The following LRRC4C variants were observed in gnomAD, a reference collection of about 807,000 sequenced individuals.
The protein encoded by LRRC4C is leucine-rich repeat-containing protein 4C.
In LRRC4C, 5 loss-of-function variants were observed where a neutral mutation model predicts 33.6. The observed-to-expected ratio is 0.15, with a 90% confidence interval of 0.08 to 0.31. The LOEUF is 0.31. Among genes scored for constraint, LRRC4C ranks in the 10% least tolerant of loss-of-function variants. The pLI, the probability that LRRC4C is intolerant of heterozygous loss-of-function variation, is 1.00. For synonymous variants in LRRC4C, 329 were observed against 302.0 expected (o/e 1.09, Z -0.93); for missense variants, 560 against 796.7 (o/e 0.70, Z 3.58).
chr11:41,321,066 T>C (rs1031651690), intron 1 of LRRC4C, among the ~76,000 whole-genome samples: 2 of 152,226 alleles, frequency 1.3e-5, no homozygotes, highest in African/African-American at 4.8e-5. Flanking sequence ...TCTTCTGCTG[T>C]GAGTTGGAGA....
intron 5 of LRRC4C, among the ~76,000 whole-genome samples, chr11:40,154,353 C>T (rs942610964): frequency 8.0e-5 from 12 of 149,398 alleles, no homozygotes; most frequent in Admixed American, 2.0e-4. Context: ...TGCAACAGTA[C>T]CTCACATTTC....
At chr11:40,421,093 A>G (rs1950507963) in intron 3 of LRRC4C, among the ~76,000 whole-genome samples, 1 of 152,164 alleles carries the variant, frequency 6.6e-6, no homozygotes, top group Non-Finnish European at 1.5e-5. Flanking sequence ...TTTTCACTTC[A>G]TACCATCTCC....
chr11:40,702,672 C>G (rs35602651), intron 2 of LRRC4C, among the ~76,000 whole-genome samples: 6,154 of 152,154 alleles, frequency 0.04, 129 homozygotes, highest in Middle Eastern at 0.058. Flanking sequence ...TGGTTTTCTT[C>G]AATTACCATA....
At chr11:41,375,194 T>A (rs1352515265) in intron 1 of LRRC4C, among the ~76,000 whole-genome samples, 1 of 152,116 alleles carries the variant, frequency 6.6e-6, no homozygotes, top group South Asian at 2.1e-4. Context: ...GATCAAAAAC[T>A]GTTAAATCTG....
At chr11:40,694,380 A>T (rs1275023872) in intron 2 of LRRC4C, among the ~76,000 whole-genome samples, 1 of 152,156 alleles carries the variant, frequency 6.6e-6, no homozygotes, top group East Asian at 1.9e-4. Flanking sequence ...TGTGGAAATC[A>T]TCTGGCACAT....
intron 3 of LRRC4C, among the ~76,000 whole-genome samples, chr11:40,500,203 T>C (rs1467688917): frequency 6.6e-6 from 1 of 150,628 alleles, no homozygotes; most frequent in African/African-American, 2.4e-5. Flanking sequence ...GTATGGATTA[T>C]AATGCCAATG....
chr11:41,353,665 A>T (rs991780983), intron 1 of LRRC4C, among the ~76,000 whole-genome samples: 2 of 152,162 alleles, frequency 1.3e-5, no homozygotes, highest in African/African-American at 4.8e-5. Context: ...TCAAAAAGCT[A>T]ATCTACCACA....
chr11:41,281,102 T>A (rs201917083), intron 1 of LRRC4C, among the ~76,000 whole-genome samples: 1,539 of 113,406 alleles, frequency 0.014, 14 homozygotes, highest in East Asian at 0.024. Flanking sequence ...TCTCTCTCTC[T>A]CTCACACACA....
intron 3 of LRRC4C, among the ~76,000 whole-genome samples, chr11:40,425,810 C>G (rs1159661775): frequency 6.6e-6 from 1 of 152,196 alleles, no homozygotes; most frequent in Non-Finnish European, 1.5e-5. Context: ...ATCTAATTCA[C>G]TGATATTTAG....
chr11:41,057,132 C>A (rs1019879795), intron 1 of LRRC4C, among the ~76,000 whole-genome samples: 10 of 152,190 alleles, frequency 6.6e-5, no homozygotes, highest in South Asian at 2.1e-4. Context: ...CGCCGCCCCC[C>A]ATTCCCCGAC....
chr11:41,269,499 C>T (rs1205490316), intron 1 of LRRC4C, among the ~76,000 whole-genome samples: 1 of 151,960 alleles, frequency 6.6e-6, no homozygotes, highest in African/African-American at 2.4e-5. Context: ...AAGAGCCAAT[C>T]TAATTAGTGT....
At chr11:40,617,341 T>C (rs1961966526) in intron 3 of LRRC4C, among the ~76,000 whole-genome samples, 1 of 151,668 alleles carries the variant, frequency 6.6e-6, no homozygotes, top group Admixed American at 6.6e-5. Context: ...ATCCCTAAAG[T>C]CCTCATTGTT....
At chr11:41,047,521 A>C (rs1857857776) in intron 1 of LRRC4C, among the ~76,000 whole-genome samples, 1 of 152,172 alleles carries the variant, frequency 6.6e-6, no homozygotes, top group Admixed American at 6.5e-5. Flanking sequence ...AAAACTAACA[A>C]ACTTTACATA....
chr11:41,102,455 A>AT (rs1237292113), intron 1 of LRRC4C, among the ~76,000 whole-genome samples: 1 of 152,074 alleles, frequency 6.6e-6, no homozygotes, highest in African/African-American at 2.4e-5. Context: ...CAAATTATTG[A>AT]TGTCATCCAT....
At chr11:40,884,384 G>A (rs1399564493) in intron 2 of LRRC4C, among the ~76,000 whole-genome samples, 1 of 152,074 alleles carries the variant, frequency 6.6e-6, no homozygotes, top group Non-Finnish European at 1.5e-5. Flanking sequence ...ATGTGTGCAT[G>A]TTTATTTGTA....
intron 4 of LRRC4C, among the ~76,000 whole-genome samples, chr11:40,299,861 G>A (rs1944685598): frequency 6.6e-6 from 1 of 152,184 alleles, no homozygotes; most frequent in Admixed American, 6.5e-5. Flanking sequence ...GGAAGACAGA[G>A]GAGACAGTAG....
intron 2 of LRRC4C, among the ~76,000 whole-genome samples, chr11:40,830,096 A>G (rs890335258): frequency 1.3e-5 from 2 of 152,032 alleles, no homozygotes; most frequent in African/African-American, 2.4e-5. Context: ...CTTAAGGAAT[A>G]AAAACAAGCA....
chr11:40,683,814 G>C (rs1197061188), intron 2 of LRRC4C, among the ~76,000 whole-genome samples: 1 of 152,170 alleles, frequency 6.6e-6, no homozygotes, highest in Non-Finnish European at 1.5e-5. Context: ...CCAGTACAGA[G>C]GGCCAATGAG....
At chr11:40,236,072 A>T (rs1865531698) in intron 5 of LRRC4C, among the ~76,000 whole-genome samples, 1 of 151,976 alleles carries the variant, frequency 6.6e-6, no homozygotes. Context: ...CACAGTGGGC[A>T]TGGAAAATCC....
Sources: allele counts gnomAD v4.1 joint callset (sites outside exome capture counted in the v4.1 genomes callset), GRCh38; gene constraint gnomAD v4.1.1; transcripts MANE v1.5; gene names NCBI Gene and HGNC (gene_info 2026-07-23, HGNC 2026-07-21).